The following DPYS variants were observed in gnomAD, a reference collection of about 807,000 sequenced individuals.
DPYS encodes dihydropyrimidine amidohydrolase.
DPYS carries 39 observed loss-of-function variants against 50.3 expected under a neutral mutation model. The observed-to-expected ratio is 0.78, with a 90% CI of 0.60 to 1.01. DPYS has a LOEUF of 1.01. Among genes scored for constraint, DPYS ranks in the 50% least tolerant of loss-of-function variants. DPYS has a pLI of 0.00. For synonymous variants in DPYS, 245 were observed against 250.7 expected, an observed-to-expected ratio of 0.98 and a Z score of 0.22; for missense variants, 659 against 680.9, an observed-to-expected ratio of 0.97 and a Z score of 0.36.
chr8:104,418,929 C>T, intron 7 of DPYS: 1 of 837,868 alleles, frequency 1.2e-6, no homozygotes. Flanking sequence ...TGACCCTCAG[C>T]CTGCGGCTTG....
In DPYS at chr8:104,424,429, C is replaced by T; in HGVS notation, c.1093-40G>A. On this transcript the variant is annotated intron_variant, in intron 6 of 9. Transcript: ENST00000351513. ...AAAGAATCATTCTAATGATCAAATA[C>T]TAAAAAGTATCCTATCGATAAAATG... The T allele has an allele frequency of 2.5e-6, 4 of 1,602,514 alleles. No individual in the cohort carries two copies. The South Asian group carries it at 4.4e-5, about 18-fold the overall frequency.
chr8:104,440,391 G>T (rs186967650), intron 4 of DPYS, among the ~76,000 whole-genome samples: 1 of 152,276 alleles, frequency 6.6e-6, no homozygotes, highest in African/African-American at 2.4e-5. Flanking sequence ...CAGGGAATCT[G>T]GATGGGCCCC....
intron 7 of DPYS, among the ~76,000 whole-genome samples, chr8:104,399,189 G>T (rs1811694597): frequency 6.6e-6 from 1 of 151,336 alleles, no homozygotes; most frequent in Non-Finnish European, 1.5e-5. Flanking sequence ...TACTCAGGAG[G>T]CTGAAGCAGG....
chr8:104,433,235 C>T (rs918453379), intron 4 of DPYS, among the ~76,000 whole-genome samples: 2 of 152,152 alleles, frequency 1.3e-5, no homozygotes, highest in African/African-American at 4.8e-5. Flanking sequence ...GTTTAAGCGG[C>T]CCAGTCTGTG....
intron 1 of DPYS, among the ~76,000 whole-genome samples, chr8:104,460,253 A>G (rs1368566961): frequency 6.6e-6 from 1 of 151,970 alleles, no homozygotes; most frequent in African/African-American, 2.4e-5. Flanking sequence ...GTAATCCCCA[A>G]TGTTGGGGGA....
intron 4 of DPYS, among the ~76,000 whole-genome samples, chr8:104,432,441 G>C (rs556724480): frequency 6.6e-6 from 1 of 152,312 alleles, no homozygotes; most frequent in South Asian, 2.1e-4. Flanking sequence ...AGATCTGCTA[G>C]AGAAGGTTGA....
rs141983374 is a variant in DPYS, at chr8:104,393,124, A to T, written c.1236-133T>A. The stretch of plus-strand genomic sequence containing the variant: ...AAGTCATAGCTTCATCACTGTAACA[A>T]GTAACTTTAAGAATAGAACATAACA... On this transcript the variant is annotated intron_variant, in intron 7 of 9. Transcript: ENST00000351513. 222 of 760,076 alleles carry T rather than the reference A, an allele frequency of 2.9e-4. No homozygotes were observed. In the East Asian group the frequency reaches 5.8e-3, roughly 20 times the overall value. The allele number at this position is 760,076 out of a possible 1,614,324, so 47.1% of individuals were successfully genotyped here. A position where few individuals can be genotyped will look rare whatever the true frequency, so the allele number is the denominator to read the frequency against.
chr8:104,401,172 T>C (rs1362279979), intron 7 of DPYS, among the ~76,000 whole-genome samples: 1 of 152,198 alleles, frequency 6.6e-6, no homozygotes, highest in East Asian at 1.9e-4. Context: ...TAGAATCATG[T>C]CAGGATTATT....
intron 1 of DPYS, 104 bp from the exon 2 acceptor site, chr8:104,451,508 G>C: frequency 6.9e-7 from 1 of 1,453,820 alleles, no homozygotes; most frequent in Non-Finnish European, 9.5e-7. Context: ...CAAACTCGAT[G>C]GGTCCAGGAA....
At chr8:104,409,811 T>A (rs1459967360) in intron 7 of DPYS, among the ~76,000 whole-genome samples, 1 of 152,238 alleles carries the variant, frequency 6.6e-6, no homozygotes, top group Non-Finnish European at 1.5e-5. Flanking sequence ...TATTATCATA[T>A]CTACATTTTA....
chr8:104,442,888 CCT>C (rs1813403577), intron 4 of DPYS, among the ~76,000 whole-genome samples: 1 of 152,118 alleles, frequency 6.6e-6, no homozygotes, highest in South Asian at 2.1e-4. Flanking sequence ...ATGGCGAGAC[CCT>C]GTCTCTACAA....
intron 7 of DPYS, among the ~76,000 whole-genome samples, chr8:104,419,226 A>G (rs544118574): frequency 6.6e-6 from 1 of 152,312 alleles, no homozygotes; most frequent in East Asian, 1.9e-4. Context: ...TGCTATTCTT[A>G]CTTTTCCTCT....
At chr8:104,400,057 G>C (rs1421532172) in intron 7 of DPYS, among the ~76,000 whole-genome samples, 3 of 151,586 alleles carry the variant, frequency 2.0e-5, no homozygotes, top group Non-Finnish European at 4.4e-5. Context: ...GTACATCCCT[G>C]AGCTCAGACC....
intron 7 of DPYS, among the ~76,000 whole-genome samples, chr8:104,396,886 A>G (rs1170892638): frequency 6.6e-6 from 1 of 152,066 alleles, no homozygotes; most frequent in African/African-American, 2.4e-5. Context: ...CAAGAGAAAG[A>G]GGACAATTAG....
intron 7 of DPYS, among the ~76,000 whole-genome samples, chr8:104,410,564 A>G (rs771071328): frequency 5.3e-5 from 8 of 151,984 alleles, no homozygotes; most frequent in Non-Finnish European, 1.2e-4. Context: ...GTTTTGCTAC[A>G]TCCTCCTCCC....
intron 3 of DPYS, 97 bp downstream of exon 3, chr8:104,447,227 A>G (rs1223179221): frequency 1.4e-6 from 2 of 1,427,534 alleles, no homozygotes; most frequent in Non-Finnish European, 1.9e-6. Flanking sequence ...TCATCTTCCA[A>G]TGCATTAAAT....
At chr8:104,434,787 A>C (rs74670599) in intron 4 of DPYS, among the ~76,000 whole-genome samples, 220 of 152,332 alleles carry the variant, frequency 1.4e-3, no homozygotes, top group African/African-American at 4.9e-3. Context: ...GAAAAATATA[A>C]GGAAAATATT....
chr8:104,423,543 C>T (rs1812620736), intron 7 of DPYS, among the ~76,000 whole-genome samples: 1 of 152,170 alleles, frequency 6.6e-6, no homozygotes, highest in Non-Finnish European at 1.5e-5. Flanking sequence ...GAAGTCCACG[C>T]AAGTGCACAT....
chr8:104,422,342 A>C (rs1812576759), intron 7 of DPYS, among the ~76,000 whole-genome samples: 1 of 152,230 alleles, frequency 6.6e-6, no homozygotes, highest in South Asian at 2.1e-4. Flanking sequence ...ACAACATGGA[A>C]TATGAAAAAT....
Sources: gnomAD v4.1 joint callset for allele counts (sites outside exome capture counted in the v4.1 genomes callset) on GRCh38, gnomAD v4.1.1 for gene constraint, MANE v1.5 for transcripts, NCBI Gene and HGNC (gene_info 2026-07-23, HGNC 2026-07-21) for gene names.